Variants in NFIB observed in about 807,000 individuals in gnomAD.
The protein encoded by NFIB is nuclear factor I B.
Under a neutral mutation model 61.5 loss-of-function variants are expected in NFIB, and 11 were observed. The ratio of observed to expected loss-of-function variants is 0.18; its 90% confidence interval spans 0.11 to 0.30. The LOEUF is 0.30. Among genes scored for constraint, NFIB ranks in the 10% least tolerant of loss-of-function variants. NFIB has a pLI of 1.00. For synonymous variants in NFIB, 260 were observed against 216.5 expected (o/e 1.20, Z -1.76); for missense variants, 471 against 608.9 (o/e 0.77, Z 2.38).
At chr9:14,354,956 T>A (rs142522637) in intron 1 of NFIB, among the ~76,000 whole-genome samples, 1 of 152,110 alleles carries the variant, frequency 6.6e-6, no homozygotes, top group East Asian at 1.9e-4. Context: ...TCTCTCTAAA[T>A]GAGAGAAGCG....
chr9:14,496,487 AT>A, the NFIB span, among the ~76,000 whole-genome samples: 2 of 152,210 alleles, frequency 1.3e-5, no homozygotes, highest in South Asian at 2.1e-4. Context: ...TTCAACGTGT[AT>A]TTAATTTGGG....
At chr9:14,470,366 A>G in the NFIB span, among the ~76,000 whole-genome samples, 1 of 152,114 alleles carries the variant, frequency 6.6e-6, no homozygotes, top group African/African-American at 2.4e-5. Context: ...TTGGTTTGCC[A>G]TATTTGTGAG....
the NFIB span, among the ~76,000 whole-genome samples, chr9:14,428,859 T>C: frequency 6.6e-6 from 1 of 152,136 alleles, no homozygotes; most frequent in Non-Finnish European, 1.5e-5. Flanking sequence ...AAGATTAGGA[T>C]ACTGGATGCT....
At chr9:14,460,845 C>T in the NFIB span, among the ~76,000 whole-genome samples, 1 of 152,002 alleles carries the variant, frequency 6.6e-6, no homozygotes, top group Non-Finnish European at 1.5e-5. Flanking sequence ...AGGCCTTCCA[C>T]TGCCCAGGTC....
chr9:14,228,384 T>A (rs13440429), intron 2 of NFIB, among the ~76,000 whole-genome samples: 27,024 of 151,694 alleles, frequency 0.18, 2,659 homozygotes, highest in South Asian at 0.36. Flanking sequence ...TTAGTAGAGA[T>A]AAGGTTTCAC....
the NFIB span, among the ~76,000 whole-genome samples, chr9:14,411,099 G>C: frequency 6.6e-6 from 1 of 152,154 alleles, no homozygotes; most frequent in Admixed American, 6.5e-5. Context: ...TTTTGACATA[G>C]TTGTAAAAAT....
Position 14,082,317 on chromosome 9 carries a change from T to C in NFIB, c.*5992A>G. On this transcript the variant is annotated 3_prime_UTR_variant, in exon 11 of 11. Coordinates refer to ENST00000380953, the MANE Select transcript of NFIB (RefSeq NM_001190737.2). ...ACCCTGGTGTGTAGCTAGCAAGCAA[T>C]AACTGACTACTCGTCACCTACAGTT... 4.9e-6 allele frequency: 1 copy of C among 205,798 alleles called. No individual in the cohort carries two copies. Among genetic ancestry groups the C allele is most frequent in the Non-Finnish European group, 1.0e-5 (1 of 100,392 alleles). 12.7% of individuals were successfully genotyped at this position (205,798 alleles called of 1,614,324 possible).
At chr9:14,250,192 T>C (rs1302084925) in intron 2 of NFIB, among the ~76,000 whole-genome samples, 1 of 152,196 alleles carries the variant, frequency 6.6e-6, no homozygotes, top group African/African-American at 2.4e-5. Context: ...TTGAGCACTT[T>C]TGTGCTGAGT....
At chr9:14,388,624 A>G (rs575181343) in intron 1 of NFIB, among the ~76,000 whole-genome samples, 2 of 152,306 alleles carry the variant, frequency 1.3e-5, no homozygotes, top group African/African-American at 4.8e-5. Context: ...CCTACATAGT[A>G]AACATATAAA....
intron 10 of NFIB, among the ~76,000 whole-genome samples, chr9:14,106,739 AGTTT>A (rs1210299556): frequency 2.6e-5 from 4 of 152,102 alleles, no homozygotes; most frequent in Admixed American, 1.3e-4. Flanking sequence ...TCAGACTAAT[AGTTT>A]GTTTATTCAA....
chr9:14,516,533 C>T, the NFIB span, among the ~76,000 whole-genome samples: 1 of 152,178 alleles, frequency 6.6e-6, no homozygotes, highest in Non-Finnish European at 1.5e-5. Flanking sequence ...ATTTAAGCTC[C>T]TTGGCATTGC....
intron 2 of NFIB, among the ~76,000 whole-genome samples, chr9:14,259,633 G>A (rs544789730): frequency 9.9e-5 from 15 of 152,184 alleles, no homozygotes; most frequent in Non-Finnish European, 1.8e-4. Context: ...GGGCGCAGTG[G>A]CTCACGCCTG....
At chr9:14,225,411 C>T (rs1394640877) in intron 2 of NFIB, among the ~76,000 whole-genome samples, 4 of 139,392 alleles carry the variant, frequency 2.9e-5, no homozygotes, top group East Asian at 2.3e-4. Context: ...GAGCCGAGAT[C>T]CCGCCACTGC....
intron 2 of NFIB, among the ~76,000 whole-genome samples, chr9:14,244,551 T>C (rs555517253): frequency 4.5e-4 from 69 of 152,302 alleles, no homozygotes; most frequent in Middle Eastern, 3.4e-3. Context: ...ACAATCTCCA[T>C]AGACAGATCC....
chr9:14,223,363 C>G (rs1221495767), intron 2 of NFIB, among the ~76,000 whole-genome samples: 2 of 152,206 alleles, frequency 1.3e-5, no homozygotes, highest in South Asian at 2.1e-4. Context: ...AGTTCAGACT[C>G]ATGATACTAA....
chr9:14,205,436 C>T (rs1031475139), intron 2 of NFIB, among the ~76,000 whole-genome samples: 16 of 151,682 alleles, frequency 1.1e-4, no homozygotes, highest in African/African-American at 2.2e-4. Context: ...TTCATAAGTA[C>T]GATATATACA....
chr9:14,310,413 G>C (rs1411203256), intron 1 of NFIB, among the ~76,000 whole-genome samples: 1 of 152,164 alleles, frequency 6.6e-6, no homozygotes, highest in African/African-American at 2.4e-5. Context: ...TTTGCTGTAA[G>C]TCGCATATAT....
At chr9:14,241,477 A>G (rs1457469098) in intron 2 of NFIB, among the ~76,000 whole-genome samples, 1 of 151,896 alleles carries the variant, frequency 6.6e-6, no homozygotes, top group African/African-American at 2.4e-5. Flanking sequence ...ATTTTTCTTT[A>G]ATCGACTTTC....
the NFIB span, among the ~76,000 whole-genome samples, chr9:14,434,547 T>C: frequency 6.6e-6 from 1 of 152,318 alleles, no homozygotes; most frequent in Admixed American, 6.5e-5. Flanking sequence ...CAGTATATCC[T>C]GACTGAGGAA....
Sources: allele counts gnomAD v4.1 joint callset (sites outside exome capture counted in the v4.1 genomes callset), GRCh38; gene constraint gnomAD v4.1.1; transcripts MANE v1.5; gene names NCBI Gene and HGNC (gene_info 2026-07-23, HGNC 2026-07-21).